The following MICAL2 variants were observed in gnomAD, a reference collection of about 807,000 sequenced individuals.
MICAL2 encodes microtubule associated monooxygenase, calponin and LIM domain containing 2, also known as [F-actin]-monooxygenase MICAL2.
In MICAL2, 77 loss-of-function variants were observed where a neutral mutation model predicts 127.3. The ratio of observed to expected loss-of-function variants is 0.60; its 90% confidence interval spans 0.50 to 0.73. MICAL2 has a LOEUF of 0.73. Among genes scored for constraint, MICAL2 ranks in the 30% least tolerant of loss-of-function variants. MICAL2 has a pLI of 0.00. For synonymous variants in MICAL2, 570 were observed against 551.1 expected, an observed-to-expected ratio of 1.03 and a Z score of -0.48; for missense variants, 1,351 against 1,434.4, an observed-to-expected ratio of 0.94 and a Z score of 0.94.
intron 10 of MICAL2, 64 bp downstream of exon 10, chr11:12,221,823 A>C (rs1422077025): frequency 1.5e-6 from 2 of 1,332,518 alleles, no homozygotes; most frequent in African/African-American, 1.4e-5. Flanking sequence ...AGGGGGCAAG[A>C]TCACCCCGCA....
At chr11:12,274,215 A>G (rs1863701436), upstream of MICAL2, 1 of 151,998 alleles carries the variant, frequency 6.6e-6, no homozygotes, top group Admixed American at 6.6e-5. Context: ...GAAAAATGAC[A>G]CCTGTTCTCT....
At chr11:12,230,202 G>A (rs939298969) in intron 15 of MICAL2, among the ~76,000 whole-genome samples, 5 of 152,090 alleles carry the variant, frequency 3.3e-5, no homozygotes. Context: ...TTGATTTGGG[G>A]AACCGAATGG....
At chr11:12,296,485 ATTAT>A (rs1316905566), downstream of MICAL2, among the ~76,000 whole-genome samples, 5 of 150,158 alleles carry the variant, frequency 3.3e-5, no homozygotes, top group South Asian at 2.1e-4. Context: ...AATTAAATAG[ATTAT>A]TTAATAAACT....
At chr11:12,175,536 G>T (rs1590193324) in intron 3 of MICAL2, among the ~76,000 whole-genome samples, 1 of 152,018 alleles carries the variant, frequency 6.6e-6, no homozygotes, top group Non-Finnish European at 1.5e-5. Context: ...GTTCTTATCA[G>T]TGAGAGAGAG....
intron 9 of MICAL2, 46 bp downstream of exon 9, chr11:12,220,504 C>T: frequency 6.3e-7 from 1 of 1,586,852 alleles, no homozygotes; most frequent in Non-Finnish European, 8.5e-7. Context: ...CGAGACAGAT[C>T]CCACGTTTGT....
exon 30 of MICAL2, chr11:12,319,783 T>A (rs1349187021): frequency 6.2e-7 from 1 of 1,614,096 alleles, no homozygotes; most frequent in Non-Finnish European, 8.5e-7. Flanking sequence ...GATGAAGAAT[T>A]TGATCCCCAG....
chr11:12,358,540 C>T (rs1396803616), downstream of MICAL2: 7 of 1,507,176 alleles, frequency 4.6e-6, no homozygotes, highest in Admixed American at 5.3e-5. Context: ...AAGTGCACCA[C>T]ACACCCTCAT....
downstream of MICAL2, among the ~76,000 whole-genome samples, chr11:12,296,371 A>T (rs1487319848): frequency 6.6e-6 from 1 of 151,778 alleles, no homozygotes; most frequent in Non-Finnish European, 1.5e-5. Context: ...TAGATTAACA[A>T]GAGACTTTAT....
At chr11:12,244,970 G>T (rs533552980) in intron 21 of MICAL2, among the ~76,000 whole-genome samples, 2 of 152,364 alleles carry the variant, frequency 1.3e-5, no homozygotes, top group South Asian at 2.1e-4. Flanking sequence ...GATGAGAAGA[G>T]TGGGGAGCTA....
intron 26 of MICAL2, chr11:12,260,512 G>A (rs1862966080): frequency 9.6e-7 from 1 of 1,044,282 alleles, no homozygotes; most frequent in Non-Finnish European, 1.2e-6. Context: ...CTTATAACCA[G>A]TTTTATAAAC....
chr11:12,143,895 A>G (rs1469296552), intron 2 of MICAL2, among the ~76,000 whole-genome samples: 1 of 152,224 alleles, frequency 6.6e-6, no homozygotes, highest in Non-Finnish European at 1.5e-5. Context: ...GAATTTTTAA[A>G]AATATCAGAT....
At chr11:12,268,752 A>AG (rs1255618547), downstream of MICAL2, among the ~76,000 whole-genome samples, 1 of 152,034 alleles carries the variant, frequency 6.6e-6, no homozygotes, top group Non-Finnish European at 1.5e-5. Context: ...GCACTTTGGG[A>AG]GGCCAAGGTG....
intron 25 of MICAL2, among the ~76,000 whole-genome samples, chr11:12,258,795 T>C (rs1261529296): frequency 6.6e-6 from 1 of 152,232 alleles, no homozygotes; most frequent in East Asian, 1.9e-4. Context: ...TGGCTTCTCA[T>C]AAGAAGCCTG....
chr11:12,281,643 C>T lies in MICAL2; in HGVS notation c.254+544C>T, dbSNP rs918677865. ...CTTTTACTGCATACCTGTAATGGGCCAGGACTTTTCCCATACGTGTGGTCA... is the reference window on the plus strand; with the variant it reads ...CTTTTACTGCATACCTGTAATGGGCTAGGACTTTTCCCATACGTGTGGTCA... On this transcript the variant is annotated intron_variant, in intron 2 of 2. Coordinates refer to the MICAL2 transcript ENST00000529028. Among the ~76,000 whole-genome samples, 69 of 152,288 alleles carry T rather than the reference C, an allele frequency of 4.5e-4. 1 individual carries two copies. Among genetic ancestry groups the T allele is most frequent in the African/African-American group, 1.6e-3 (67 of 41,552 alleles).
chr11:12,180,369 G>T (rs1324829432), intron 3 of MICAL2, among the ~76,000 whole-genome samples: 7 of 136,368 alleles, frequency 5.1e-5, no homozygotes, highest in Non-Finnish European at 1.1e-4. Context: ...TGGCAGGAAG[G>T]TTTCCCATGA....
intron 29 of MICAL2, among the ~76,000 whole-genome samples, chr11:12,299,546 G>A (rs1490047524): frequency 1.3e-5 from 2 of 152,126 alleles, no homozygotes; most frequent in Non-Finnish European, 2.9e-5. Flanking sequence ...TGACTTGGAG[G>A]CATAAACTAA....
downstream of MICAL2, chr11:12,294,821 C>CCTCCTG (rs1237724145): frequency 6.6e-7 from 1 of 1,515,734 alleles, no homozygotes; most frequent in Admixed American, 2.0e-5. Context: ...TCCTCCTCCT[C>CCTCCTG]CTCCTCCTCC....
At chr11:12,299,321 T>G (rs775012831) in intron 29 of MICAL2, among the ~76,000 whole-genome samples, 2 of 152,192 alleles carry the variant, frequency 1.3e-5, no homozygotes, top group African/African-American at 2.4e-5. Flanking sequence ...CTCACATATA[T>G]GCACTGACAC....
intron 29 of MICAL2, among the ~76,000 whole-genome samples, chr11:12,310,048 T>C (rs1864155031): frequency 6.6e-6 from 1 of 152,166 alleles, no homozygotes; most frequent in Non-Finnish European, 1.5e-5. Flanking sequence ...ACTGAGTTAT[T>C]TGAGTTTCTT....
Sources: gnomAD v4.1 joint callset for allele counts (sites outside exome capture counted in the v4.1 genomes callset) on GRCh38, gnomAD v4.1.1 for gene constraint, MANE v1.5 for transcripts, NCBI Gene and HGNC (gene_info 2026-07-23, HGNC 2026-07-21) for gene names.